RBFOX1: variants seen among roughly 807,000 people sequenced by gnomAD.
RBFOX1 encodes RNA binding protein fox-1 homolog 1.
A neutral mutation model predicts 57.7 loss-of-function variants in RBFOX1; 8 were observed. The observed-to-expected ratio is 0.14, with a 90% CI of 0.08 to 0.25. The LOEUF is 0.25. Ranked by LOEUF, RBFOX1 falls within the 10% of genes least tolerant of loss-of-function variation. The pLI is 1.00. For missense variants in RBFOX1, 611 were observed against 548.5 expected, an observed-to-expected ratio of 1.11 and a Z score of -1.14; for synonymous variants, 326 against 222.4, an observed-to-expected ratio of 1.47 and a Z score of -4.15.
At chr16:5,693,915 C>A (rs956258399) in intron 3 of RBFOX1, among the ~76,000 whole-genome samples, 2 of 152,168 alleles carry the variant, frequency 1.3e-5, no homozygotes, top group Non-Finnish European at 2.9e-5. Flanking sequence ...CTCATTCCCC[C>A]ACCTCGTCAC....
intron 3 of RBFOX1, among the ~76,000 whole-genome samples, chr16:6,946,207 G>T (rs1242366821): frequency 6.6e-6 from 1 of 152,208 alleles, no homozygotes; most frequent in African/African-American, 2.4e-5. Flanking sequence ...GAATATTTTA[G>T]GATTTGGGTG....
At chr16:7,254,365 G>T (rs1489158803) in intron 4 of RBFOX1, among the ~76,000 whole-genome samples, 1 of 152,084 alleles carries the variant, frequency 6.6e-6, no homozygotes, top group Non-Finnish European at 1.5e-5. Context: ...GGTTAATCGG[G>T]TTTATTGGAT....
intron 2 of RBFOX1, among the ~76,000 whole-genome samples, chr16:6,582,240 A>C (rs894072315): frequency 6.6e-6 from 1 of 152,216 alleles, no homozygotes; most frequent in African/African-American, 2.4e-5. Context: ...TTAACTCTTA[A>C]TAGCTCATTG....
At chr16:7,033,194 G>A (rs1208221252) in intron 3 of RBFOX1, among the ~76,000 whole-genome samples, 1 of 152,046 alleles carries the variant, frequency 6.6e-6, no homozygotes, top group African/African-American at 2.4e-5. Flanking sequence ...GGGATTATAG[G>A]GAGACCACCC....
intron 2 of RBFOX1, among the ~76,000 whole-genome samples, chr16:6,548,434 G>C (rs1295156629): frequency 6.6e-6 from 1 of 152,040 alleles, no homozygotes; most frequent in Non-Finnish European, 1.5e-5. Flanking sequence ...AGAAGGGAAG[G>C]CACAACCAGC....
chr16:7,585,244 G>A (rs574817454), intron 6 of RBFOX1, among the ~76,000 whole-genome samples: 3 of 152,102 alleles, frequency 2.0e-5, no homozygotes, highest in South Asian at 2.1e-4. Context: ...TTCAGCTCAC[G>A]TTTGAATGGC....
intron 3 of RBFOX1, among the ~76,000 whole-genome samples, chr16:6,694,667 A>G (rs1225869165): frequency 6.6e-6 from 1 of 152,142 alleles, no homozygotes; most frequent in South Asian, 2.1e-4. Flanking sequence ...GTTTTTCCAC[A>G]TGGTAGCAAG....
intron 3 of RBFOX1, among the ~76,000 whole-genome samples, chr16:6,689,212 G>C (rs1035367786): frequency 2.0e-5 from 3 of 152,126 alleles, no homozygotes; most frequent in African/African-American, 7.2e-5. Context: ...CTCTAAGGCT[G>C]ATTATGTCTG....
chr16:6,742,827 G>GA (rs1425622377), intron 3 of RBFOX1, among the ~76,000 whole-genome samples: 2 of 152,018 alleles, frequency 1.3e-5, no homozygotes, highest in Non-Finnish European at 2.9e-5. Context: ...TATGGTGGGA[G>GA]AAAAAAAGAT....
chr16:5,873,875 T>C (rs2057539898), intron 4 of RBFOX1, among the ~76,000 whole-genome samples: 1 of 151,948 alleles, frequency 6.6e-6, no homozygotes, highest in African/African-American at 2.4e-5. Flanking sequence ...GTGGATTAGG[T>C]TAGGTTGTCA....
At chr16:7,005,711 C>T (rs114771545) in intron 3 of RBFOX1, among the ~76,000 whole-genome samples, 1 of 152,112 alleles carries the variant, frequency 6.6e-6, no homozygotes, top group African/African-American at 2.4e-5. Context: ...TGTGGTGGGT[C>T]AGGACAAGAC....
chr16:7,320,906 A>T (rs1370600669), intron 4 of RBFOX1, among the ~76,000 whole-genome samples: 1 of 152,216 alleles, frequency 6.6e-6, no homozygotes, highest in African/African-American at 2.4e-5. Flanking sequence ...TAACTTGCCC[A>T]GGGAAAAACA....
chr16:7,023,997 G>A (rs1007530413), intron 3 of RBFOX1, among the ~76,000 whole-genome samples: 5 of 152,058 alleles, frequency 3.3e-5, no homozygotes, highest in African/African-American at 9.7e-5. Context: ...AGCCACTTAG[G>A]TTTCTATATC....
intron 3 of RBFOX1, among the ~76,000 whole-genome samples, chr16:6,687,499 G>A (rs1324857072): frequency 6.6e-6 from 1 of 152,184 alleles, no homozygotes; most frequent in African/African-American, 2.4e-5. Context: ...ATCTCTGCTA[G>A]TCAGGATAAG....
At chr16:6,588,330 C>G (rs2097660315) in intron 2 of RBFOX1, among the ~76,000 whole-genome samples, 1 of 151,662 alleles carries the variant, frequency 6.6e-6, no homozygotes, top group African/African-American at 2.4e-5. Context: ...ACTTAGTTGT[C>G]CTTATTTCTT....
intron 1 of RBFOX1, among the ~76,000 whole-genome samples, chr16:5,258,161 C>T (rs1245202598): frequency 1.2e-4 from 18 of 152,162 alleles, no homozygotes; most frequent in Non-Finnish European, 2.4e-4. Flanking sequence ...GGATTATAGG[C>T]ATGAGCTGCT....
chr16:7,645,767 A>T (rs2063621220), intron 11 of RBFOX1, among the ~76,000 whole-genome samples: 1 of 152,240 alleles, frequency 6.6e-6, no homozygotes, highest in African/African-American at 2.4e-5. Flanking sequence ...ATTCACTTCT[A>T]AACAGCAGTA....
At chr16:5,731,694 C>T (rs191850243) in intron 3 of RBFOX1, among the ~76,000 whole-genome samples, 1 of 152,188 alleles carries the variant, frequency 6.6e-6, no homozygotes, top group East Asian at 1.9e-4. Flanking sequence ...CCCTGGATGT[C>T]CATAGGACAT....
chr16:6,630,425 T>A (rs1558564), intron 2 of RBFOX1, among the ~76,000 whole-genome samples: 118,108 of 152,096 alleles, frequency 0.78, 45,909 homozygotes, highest in South Asian at 0.84. Flanking sequence ...GATGGTAAGG[T>A]TAATGGTCAT....
Sources: allele counts gnomAD v4.1 joint callset (sites outside exome capture counted in the v4.1 genomes callset), GRCh38; gene constraint gnomAD v4.1.1; transcripts MANE v1.5; gene names NCBI Gene and HGNC (gene_info 2026-07-23, HGNC 2026-07-21).